Variants in UNC13C observed in about 807,000 individuals in gnomAD.
UNC13C encodes the protein protein unc-13 homolog C.
UNC13C carries 174 observed loss-of-function variants against 245.4 expected under a neutral mutation model. The observed-to-expected ratio is 0.71, with a 90% CI of 0.63 to 0.80. The LOEUF is 0.80. Ranked by LOEUF, UNC13C falls within the 30% of genes least tolerant of loss-of-function variation. The pLI is 0.00. For synonymous variants in UNC13C, 992 were observed against 895.1 expected (o/e 1.11, Z -1.93); for missense variants, 2,829 against 2,602.9 (o/e 1.09, Z -1.89).
At chr15:54,540,099 T>C (rs1322262339) in intron 26 of UNC13C, among the ~76,000 whole-genome samples, 1 of 152,072 alleles carries the variant, frequency 6.6e-6, no homozygotes, top group Non-Finnish European at 1.5e-5. Flanking sequence ...GGGGAGATGC[T>C]TAAAAGCCAG....
chr15:53,937,764 A>T, the UNC13C span, among the ~76,000 whole-genome samples: 1 of 145,342 alleles, frequency 6.9e-6, no homozygotes, highest in African/African-American at 2.6e-5. Flanking sequence ...CTAACCCAGA[A>T]TTTTATATCT....
intron 30 of UNC13C, among the ~76,000 whole-genome samples, chr15:54,573,531 C>G (rs975533208): frequency 7.9e-5 from 12 of 152,202 alleles, no homozygotes; most frequent in African/African-American, 2.9e-4. Context: ...AATATTAAAA[C>G]ACCATCTTAT....
At position 54,143,618 on chromosome 15, in the gene UNC13C, A is replaced by T; in HGVS notation, c.3007-2A>T. ...TTGTTTTTCTCTTACTCTTCATTTA[A>T]GGCTCGAATAGTAAGTGGCAATGAT... is the stretch of plus-strand genomic sequence containing the variant. On this transcript the variant is annotated splice_acceptor_variant, in intron 3 of 32. Transcript: ENST00000260323. LOFTEE classifies it high-confidence loss of function. 1 of 1,612,750 alleles carries T rather than the reference A, an allele frequency of 6.2e-7. No homozygotes were observed. The highest frequency in any genetic ancestry group is 8.5e-7 in the Non-Finnish European group (1 of 1,179,004).
chr15:54,469,215 C>A (rs1892328734), intron 19 of UNC13C, among the ~76,000 whole-genome samples: 1 of 151,440 alleles, frequency 6.6e-6, no homozygotes, highest in African/African-American at 2.4e-5. Context: ...TTCTCAATTT[C>A]TAATTCAAAC....
intron 10 of UNC13C, among the ~76,000 whole-genome samples, chr15:54,279,243 A>T (rs7169339): frequency 0.54 from 81,518 of 152,044 alleles, 23,629 homozygotes; most frequent in African/African-American, 0.77. Flanking sequence ...AGGACTGAGG[A>T]ATAACCAACA....
At chr15:54,036,430 T>G (rs539181350) in intron 2 of UNC13C, among the ~76,000 whole-genome samples, 2 of 152,186 alleles carry the variant, frequency 1.3e-5, no homozygotes, top group South Asian at 2.1e-4. Context: ...CCCAGAAATG[T>G]TATGCATTTC....
intron 30 of UNC13C, among the ~76,000 whole-genome samples, chr15:54,602,599 T>G (rs941451576): frequency 2.0e-5 from 3 of 152,244 alleles, no homozygotes; most frequent in African/African-American, 7.2e-5. Flanking sequence ...ATAGATCTTA[T>G]GTTTAAGTAT....
At chr15:54,194,937 G>T (rs1216980060) in intron 4 of UNC13C, among the ~76,000 whole-genome samples, 1 of 152,118 alleles carries the variant, frequency 6.6e-6, no homozygotes, top group Admixed American at 6.6e-5. Flanking sequence ...AAGGATCAAA[G>T]AATTCATAAT....
At chr15:54,282,434 C>A (rs1046259058) in intron 10 of UNC13C, among the ~76,000 whole-genome samples, 1 of 152,126 alleles carries the variant, frequency 6.6e-6, no homozygotes, top group African/African-American at 2.4e-5. Flanking sequence ...GGGATATAGC[C>A]AGCTGCTCTG....
At chr15:54,174,648 C>A (rs1393373059) in intron 4 of UNC13C, among the ~76,000 whole-genome samples, 1 of 152,144 alleles carries the variant, frequency 6.6e-6, no homozygotes, top group Non-Finnish European at 1.5e-5. Flanking sequence ...CTATCTTAAT[C>A]ATAAATTGTT....
intron 4 of UNC13C, among the ~76,000 whole-genome samples, chr15:54,184,646 T>C (rs1188572069): frequency 6.6e-6 from 1 of 152,214 alleles, no homozygotes; most frequent in East Asian, 1.9e-4. Context: ...ATGTGCCACA[T>C]TTTCTTAATC....
In UNC13C at chr15:54,175,671, C is replaced by T. The variant is rs57942378; in HGVS notation, c.3071+31987C>T. On this transcript the variant is annotated intron_variant, in intron 4 of 32. Coordinates refer to ENST00000260323, the MANE Select transcript of UNC13C (RefSeq NM_001080534.3). ...GGGACTACAGGCACCCACCACCACG[C>T]CCAGCTAATTTTTGTATTTTTAATA... is the stretch of plus-strand genomic sequence containing the variant. Among the ~76,000 whole-genome samples the T allele has an allele frequency of 5.3e-3, 808 of 152,086 alleles. 7 individuals are homozygous for T. The highest frequency in any genetic ancestry group is 0.019 in the African/African-American group (769 of 41,486).
At chr15:54,296,241 C>T (rs985087046) in intron 11 of UNC13C, among the ~76,000 whole-genome samples, 1 of 151,914 alleles carries the variant, frequency 6.6e-6, no homozygotes, top group Non-Finnish European at 1.5e-5. Context: ...CGCTCTATCC[C>T]CCAGGCTGGA....
intron 8 of UNC13C, among the ~76,000 whole-genome samples, chr15:54,256,542 T>C (rs769909905): frequency 9.9e-5 from 15 of 152,214 alleles, no homozygotes; most frequent in Non-Finnish European, 1.5e-4. Flanking sequence ...AGCAGCATGA[T>C]GAAATCTGCC....
chr15:54,152,327 T>TGAA (rs1411063032), intron 4 of UNC13C, among the ~76,000 whole-genome samples: 1 of 152,166 alleles, frequency 6.6e-6, no homozygotes, highest in African/African-American at 2.4e-5. Flanking sequence ...TTAAGAAACC[T>TGAA]GAAGACAGTA....
At chr15:54,147,530 C>G (rs2141244782) in intron 4 of UNC13C, among the ~76,000 whole-genome samples, 1 of 152,182 alleles carries the variant, frequency 6.6e-6, no homozygotes, top group East Asian at 1.9e-4. Flanking sequence ...GATGAAACTA[C>G]TTTTATTCAA....
chr15:54,029,476 TATTATCATTCA>T (rs1237710653), intron 2 of UNC13C, among the ~76,000 whole-genome samples: 2 of 152,258 alleles, frequency 1.3e-5, no homozygotes, highest in African/African-American at 2.4e-5. Flanking sequence ...CTGATACTCA[TATTATCATTCA>T]ATTGTTTTTT....
At chr15:53,873,528 C>A in the UNC13C span, among the ~76,000 whole-genome samples, 2 of 152,134 alleles carry the variant, frequency 1.3e-5, no homozygotes, top group East Asian at 1.9e-4. Flanking sequence ...TTTCCCTCCC[C>A]TCTTTTGGAT....
chr15:54,008,786 C>G (rs780309023), intron 1 of UNC13C, among the ~76,000 whole-genome samples: 2 of 152,134 alleles, frequency 1.3e-5, no homozygotes, highest in African/African-American at 2.4e-5. Context: ...TGGTAACATT[C>G]ACTTTACGTA....
Sources: gnomAD v4.1 joint callset for allele counts (sites outside exome capture counted in the v4.1 genomes callset) on GRCh38, gnomAD v4.1.1 for gene constraint, MANE v1.5 for transcripts, NCBI Gene and HGNC (gene_info 2026-07-23, HGNC 2026-07-21) for gene names.